The following ABCC9 variants were observed in gnomAD, a reference collection of about 807,000 sequenced individuals.
ABCC9 encodes ATP-binding cassette sub-family C member 9.
ABCC9 carries 95 observed loss-of-function variants against 188.3 expected under a neutral mutation model. The ratio of observed to expected loss-of-function variants is 0.50; its 90% CI spans 0.43 to 0.60. ABCC9 has a LOEUF of 0.60. Ranked by LOEUF, ABCC9 falls within the 20% of genes least tolerant of loss-of-function variation. The probability of loss-of-function intolerance (pLI) is 0.00; values close to 1 mark genes in which losing one functional copy is unlikely to be tolerated. For missense variants in ABCC9, 1,102 were observed against 1,876.3 expected, an observed-to-expected ratio of 0.59 and a Z score of 7.62; for synonymous variants, 659 against 652.7, an observed-to-expected ratio of 1.01 and a Z score of -0.15.
intron 30 of ABCC9, among the ~76,000 whole-genome samples, chr12:21,833,433 C>G (rs556276555): frequency 2.0e-5 from 3 of 151,840 alleles, no homozygotes; most frequent in African/African-American, 7.3e-5. Flanking sequence ...CTACTTAAAG[C>G]TACCTAGAAG....
chr12:21,808,193 G>T (rs1158524754), intron 37 of ABCC9, among the ~76,000 whole-genome samples: 1 of 151,874 alleles, frequency 6.6e-6, no homozygotes, highest in African/African-American at 2.4e-5. Context: ...TATTCTAATG[G>T]TATCAAAGTC....
intron 18 of ABCC9, chr12:21,869,788 A>T (rs1945974544): frequency 6.6e-6 from 1 of 152,144 alleles, no homozygotes; most frequent in South Asian, 2.1e-4. Flanking sequence ...ACCGCATGAG[A>T]TAGAGACTTG....
Position 21,872,728 on chromosome 12 carries a change from G to A in ABCC9, c.2095C>T (p.Gln699Ter). The A allele has an allele frequency of 6.2e-7, 1 of 1,611,092 alleles. No homozygotes were observed. Among genetic ancestry groups the A allele is most frequent in the Non-Finnish European group, 8.5e-7 (1 of 1,177,344 alleles). Residue 699 changes from glutamine (Q) to a stop codon, truncating the protein, a stop_gained and splice_region_variant, in exon 18 of 40, where the codon CAG becomes TAG. Coordinates refer to ENST00000261200, the MANE Select transcript of ABCC9 (RefSeq NM_020297.4). LOFTEE classifies it high-confidence loss of function. ...ACTTGGCCCACAATCATGGTTAACT[G>A]ACCTAGGAAAGCAAAACAAAGGATA... ...SNIDIRIPTG[Q>*]LTMIVGQVGC...
intron 2 of ABCC9, among the ~76,000 whole-genome samples, chr12:21,939,316 A>G (rs557711682): frequency 8.5e-5 from 13 of 152,244 alleles, no homozygotes; most frequent in African/African-American, 2.9e-4. Flanking sequence ...CTCCTTATCC[A>G]ACATCCAGAG....
chr12:21,879,769 A>G (rs1946533188), intron 16 of ABCC9, among the ~76,000 whole-genome samples: 1 of 152,100 alleles, frequency 6.6e-6, no homozygotes, highest in African/African-American at 2.4e-5. Context: ...AGTCCAAAAT[A>G]TAAGGAAAAA....
At position 21,834,769 on chromosome 12, in the gene ABCC9, T is replaced by C. The variant is rs551723965; in HGVS notation, c.3566+3309A>G. On this transcript the variant is annotated intron_variant, in intron 30 of 39. Transcript: ENST00000261200. ...GATATATATATATGACTTATACATA[T>C]AGCATATATAACATTATACACACAC... Among the ~76,000 whole-genome samples, 9 of 143,178 alleles carry C rather than the reference T, an allele frequency of 6.3e-5. No homozygotes were observed. In the South Asian group the frequency reaches 1.8e-3, roughly 29 times the overall value. 93.9% of individuals were successfully genotyped at this position (143,178 alleles called of 152,430 possible). A position where few individuals can be genotyped will look rare whatever the true frequency, so the allele number is the denominator to read the frequency against.
In ABCC9 at chr12:21,814,605, C is replaced by T. The variant is rs201129154; in HGVS notation, c.4102+39G>A. On this transcript the variant is annotated intron_variant, in intron 35 of 39. Transcript: ENST00000261200. Reference sequence around the variant, plus strand: ...AAATTGATGTTTTTTTAAAGGAAAGCACCAAGTGGCCACTTAAAAAATTTA... The same window carrying T: ...AAATTGATGTTTTTTTAAAGGAAAGTACCAAGTGGCCACTTAAAAAATTTA... The T allele has an allele frequency of 3.9e-6, 6 of 1,527,870 alleles. No homozygotes were observed. The Admixed American group carries it at 5.0e-5, about 13-fold the overall frequency. 94.6% of individuals were successfully genotyped at this position (1,527,870 alleles called of 1,614,324 possible).
chr12:21,830,184 T>C (rs533839397), intron 30 of ABCC9, among the ~76,000 whole-genome samples: 1 of 152,356 alleles, frequency 6.6e-6, no homozygotes, highest in African/African-American at 2.4e-5. Context: ...GCCCTATCCA[T>C]TTAAACATCT....
intron 14 of ABCC9, among the ~76,000 whole-genome samples, chr12:21,889,186 T>C (rs1337883043): frequency 6.6e-6 from 1 of 152,162 alleles, no homozygotes; most frequent in Non-Finnish European, 1.5e-5. Context: ...CGAAAATCCA[T>C]TGAGGCAATC....
At chr12:21,847,750 G>T (rs1944755699) in intron 25 of ABCC9, among the ~76,000 whole-genome samples, 1 of 152,146 alleles carries the variant, frequency 6.6e-6, no homozygotes, top group Admixed American at 6.6e-5. Flanking sequence ...TGAACTGAAT[G>T]AATCAAATAC....
intron 30 of ABCC9, among the ~76,000 whole-genome samples, chr12:21,832,417 A>G (rs1943823741): frequency 6.6e-6 from 1 of 152,164 alleles, no homozygotes; most frequent in South Asian, 2.1e-4. Flanking sequence ...CCTGACCACA[A>G]GTACCAAATG....
At chr12:21,836,165 T>C (rs1944072864) in intron 30 of ABCC9, among the ~76,000 whole-genome samples, 1 of 152,202 alleles carries the variant, frequency 6.6e-6, no homozygotes, top group Admixed American at 6.5e-5. Flanking sequence ...AGTCTCCTTG[T>C]CTCGGGCGTT....
In ABCC9 at chr12:21,890,119, T is replaced by A. The variant is rs567371522; in HGVS notation, c.1803-2185A>T. On this transcript the variant is annotated intron_variant, in intron 14 of 39. Transcript: ENST00000261200. The stretch of plus-strand genomic sequence containing the variant: ...GGGTAATACGAAAAGCATTTTCTAT[T>A]CATACGAGGTCCTTTCAGAAATCAC... Among the ~76,000 whole-genome samples the A allele has an allele frequency of 2.0e-5, 3 of 152,274 alleles. No homozygotes were observed. In the South Asian group the frequency reaches 6.2e-4, roughly 32 times the overall value.
chr12:21,896,079 C>CTTTTTTTTTTTTTTTTTTTATTTTTTTT (rs1947391468), intron 12 of ABCC9, among the ~76,000 whole-genome samples: 2 of 128,050 alleles, frequency 1.6e-5, no homozygotes, highest in African/African-American at 2.9e-5. Flanking sequence ...ATCTAATTTT[C>CTTTTTTTTTTTTTTTTTTTATTTTTTTT]TTTTTTTTTT....
chr12:21,877,623 A>G (rs1171908721), intron 16 of ABCC9, among the ~76,000 whole-genome samples: 1 of 152,194 alleles, frequency 6.6e-6, no homozygotes, highest in Non-Finnish European at 1.5e-5. Context: ...AAGGGCCAGC[A>G]TGAAACTAAG....
intron 33 of ABCC9, among the ~76,000 whole-genome samples, chr12:21,816,883 G>A (rs1316230999): frequency 2.6e-5 from 4 of 152,082 alleles, no homozygotes; most frequent in Non-Finnish European, 5.9e-5. Flanking sequence ...AGTTAATAAC[G>A]TCTTGAGAAA....
chr12:21,925,521 T>C (rs1029740358), intron 5 of ABCC9: 5 of 702,472 alleles, frequency 7.1e-6, no homozygotes, highest in African/African-American at 7.0e-5. Context: ...CTTGGGAAAA[T>C]GTCCTTGGAC....
At chr12:21,923,732 T>C in intron 5 of ABCC9, 1 of 637,230 alleles carries the variant, frequency 1.6e-6, no homozygotes, top group South Asian at 1.8e-5. Flanking sequence ...ATATGAACAT[T>C]TACCCACTTA....
At chr12:21,818,663 T>C (rs1476591562) in intron 31 of ABCC9, among the ~76,000 whole-genome samples, 5 of 145,614 alleles carry the variant, frequency 3.4e-5, no homozygotes, top group Non-Finnish European at 5.9e-5. Flanking sequence ...TTTTTTTTTT[T>C]CCGACTTTCT....
Sources: gnomAD v4.1 joint callset for allele counts (sites outside exome capture counted in the v4.1 genomes callset) on GRCh38, gnomAD v4.1.1 for gene constraint, MANE v1.5 for transcripts, NCBI Gene and HGNC (gene_info 2026-07-23, HGNC 2026-07-21) for gene names.